The following SDCCAG8 variants were observed in gnomAD, a reference collection of about 807,000 sequenced individuals.
The protein encoded by SDCCAG8 is SHH signaling and ciliogenesis regulator SDCCAG8, also known as serologically defined colon cancer antigen 8.
A neutral mutation model predicts 101.8 loss-of-function variants in SDCCAG8; 74 were observed. The observed-to-expected ratio is 0.73, with a 90% CI of 0.60 to 0.88. SDCCAG8 has a LOEUF of 0.88. Among genes scored for constraint, SDCCAG8 ranks in the 40% least tolerant of loss-of-function variants. The pLI is 0.00. For synonymous variants in SDCCAG8, 281 were observed against 292.9 expected, an observed-to-expected ratio of 0.96 and a Z score of 0.41; for missense variants, 787 against 822.6, an observed-to-expected ratio of 0.96 and a Z score of 0.53.
At chr1:243,463,997 C>T (rs1275101462) in intron 16 of SDCCAG8, among the ~76,000 whole-genome samples, 1 of 152,062 alleles carries the variant, frequency 6.6e-6, no homozygotes, top group Non-Finnish European at 1.5e-5. Flanking sequence ...TCATTCAGAG[C>T]CTTGTGTAGA....
At chr1:243,492,295 CTTTT>C (rs33950392) in intron 17 of SDCCAG8, among the ~76,000 whole-genome samples, 2 of 63,130 alleles carry the variant, frequency 3.2e-5, no homozygotes, top group Non-Finnish European at 5.3e-5. Context: ...CGTTTCTTGG[CTTTT>C]TTTTTTTTTT....
chr1:243,469,268 T>A (rs1479938863), intron 16 of SDCCAG8, among the ~76,000 whole-genome samples: 1 of 152,210 alleles, frequency 6.6e-6, no homozygotes, highest in Non-Finnish European at 1.5e-5. Context: ...GCATGCTTTT[T>A]TTGTTAAAAT....
intron 16 of SDCCAG8, among the ~76,000 whole-genome samples, chr1:243,469,786 T>C (rs1420845195): frequency 2.0e-5 from 3 of 151,932 alleles, no homozygotes; most frequent in Admixed American, 2.0e-4. Flanking sequence ...CATGGCCTTT[T>C]CAGTTTGGTC....
intron 4 of SDCCAG8, among the ~76,000 whole-genome samples, chr1:243,280,254 C>G (rs1463952453): frequency 6.6e-6 from 1 of 151,998 alleles, no homozygotes; most frequent in Non-Finnish European, 1.5e-5. Context: ...TTTTAATGTT[C>G]ATGGGATCAG....
chr1:243,307,843 G>A (rs1168872598), intron 7 of SDCCAG8, 146 bp from the exon 8 acceptor site: 2 of 1,487,254 alleles, frequency 1.3e-6, no homozygotes, highest in Admixed American at 2.4e-5. Context: ...CAGGGTCGTG[G>A]TAAAAATTAA....
intron 13 of SDCCAG8, among the ~76,000 whole-genome samples, chr1:243,379,726 G>A (rs1460565550): frequency 6.6e-6 from 1 of 152,156 alleles, no homozygotes; most frequent in East Asian, 1.9e-4. Flanking sequence ...TTTTTAGAGA[G>A]AACTTTGTTT....
At chr1:243,403,929 G>A (rs1215039617) in intron 13 of SDCCAG8, among the ~76,000 whole-genome samples, 5 of 152,158 alleles carry the variant, frequency 3.3e-5, no homozygotes, top group African/African-American at 1.2e-4. Context: ...ACCCTGGTCC[G>A]TGGAAAAATT....
At chr1:243,411,689 T>C (rs1364666178) in intron 13 of SDCCAG8, among the ~76,000 whole-genome samples, 1 of 152,180 alleles carries the variant, frequency 6.6e-6, no homozygotes, top group African/African-American at 2.4e-5. Flanking sequence ...CATCATAATA[T>C]ATGTCTTTGG....
intron 10 of SDCCAG8, among the ~76,000 whole-genome samples, chr1:243,340,189 A>G (rs1053088683): frequency 3.9e-5 from 6 of 152,248 alleles, no homozygotes; most frequent in African/African-American, 1.4e-4. Context: ...GAAACAGACA[A>G]CTAAAAACAG....
At chr1:243,443,862 ATTATTTT>A (rs1460910928) in intron 16 of SDCCAG8, among the ~76,000 whole-genome samples, 1 of 151,826 alleles carries the variant, frequency 6.6e-6, no homozygotes, top group Non-Finnish European at 1.5e-5. Flanking sequence ...TACTATTTTT[ATTATTTT>A]TTATTTATAT....
At chr1:243,400,243 G>A (rs1303687173) in intron 13 of SDCCAG8, among the ~76,000 whole-genome samples, 3 of 152,144 alleles carry the variant, frequency 2.0e-5, no homozygotes, top group South Asian at 2.1e-4. Context: ...CAGTGTTTCC[G>A]AAATTTATAT....
intron 1 of SDCCAG8, chr1:243,267,591 A>G: frequency 1.9e-6 from 1 of 539,188 alleles, no homozygotes; most frequent in Non-Finnish European, 3.4e-6. Flanking sequence ...GACAAGAGCC[A>G]AACTCCCTCT....
chr1:243,436,578 C>G (rs2082148846), intron 16 of SDCCAG8, among the ~76,000 whole-genome samples: 1 of 152,026 alleles, frequency 6.6e-6, no homozygotes, highest in African/African-American at 2.4e-5. Flanking sequence ...TTTTAAATTC[C>G]TAATTGTAAC....
chr1:243,329,455 C>T (rs2074432723), intron 9 of SDCCAG8, among the ~76,000 whole-genome samples: 1 of 152,158 alleles, frequency 6.6e-6, no homozygotes, highest in South Asian at 2.1e-4. Flanking sequence ...ATAAAACTTA[C>T]AGTGCTTACT....
chr1:243,382,209 A>G (rs953304769), intron 13 of SDCCAG8, among the ~76,000 whole-genome samples: 51 of 152,114 alleles, frequency 3.4e-4, no homozygotes, highest in African/African-American at 1.2e-3. Flanking sequence ...CTCTTAATGC[A>G]TTTTAGGCAG....
chr1:243,372,995 A>G (rs2077393435), intron 12 of SDCCAG8, among the ~76,000 whole-genome samples: 1 of 149,960 alleles, frequency 6.7e-6, no homozygotes, highest in Non-Finnish European at 1.5e-5. Context: ...AAGATAAAAT[A>G]AAAGTAGAAT....
chr1:243,257,186 G>C (rs1259216457), intron 1 of SDCCAG8, among the ~76,000 whole-genome samples: 1 of 152,062 alleles, frequency 6.6e-6, no homozygotes, highest in African/African-American at 2.4e-5. Flanking sequence ...TTTTATATGG[G>C]ACATATGTGT....
intron 4 of SDCCAG8, among the ~76,000 whole-genome samples, chr1:243,284,453 G>C (rs1003816187): frequency 1.3e-5 from 2 of 152,184 alleles, no homozygotes; most frequent in African/African-American, 4.8e-5. Context: ...AGATGTGGGA[G>C]TAGAGGGAAG....
At chr1:243,342,643 AAATATT>A (rs1353747493) in intron 11 of SDCCAG8, among the ~76,000 whole-genome samples, 1 of 152,212 alleles carries the variant, frequency 6.6e-6, no homozygotes, top group Non-Finnish European at 1.5e-5. Flanking sequence ...TCATAGACAT[AAATATT>A]AATAGTGAAC....
Sources: gnomAD v4.1 joint callset for allele counts (sites outside exome capture counted in the v4.1 genomes callset) on GRCh38, gnomAD v4.1.1 for gene constraint, MANE v1.5 for transcripts, NCBI Gene and HGNC (gene_info 2026-07-23, HGNC 2026-07-21) for gene names.